The following FBXO11 variants were observed in gnomAD, a reference collection of about 807,000 sequenced individuals.
FBXO11 encodes the protein F-box protein 11.
Under a neutral mutation model 117.0 loss-of-function variants are expected in FBXO11, and 13 were observed. That is an observed-to-expected ratio of 0.11 (90% CI 0.07 to 0.18). The LOEUF is 0.18. Ranked by LOEUF, FBXO11 falls within the 10% of genes least tolerant of loss-of-function variation. FBXO11 has a pLI of 1.00. For missense variants in FBXO11, 767 were observed against 1,164.4 expected (o/e 0.66, Z 4.97); for synonymous variants, 490 against 380.5 (o/e 1.29, Z -3.35).
At chr2:47,829,160 G>A (rs1016807754) in intron 11 of FBXO11, among the ~76,000 whole-genome samples, 1 of 151,992 alleles carries the variant, frequency 6.6e-6, no homozygotes, top group Non-Finnish European at 1.5e-5. Context: ...CTCCCAAAGT[G>A]TTAGGATTAC....
intron 1 of FBXO11, among the ~76,000 whole-genome samples, chr2:47,869,110 T>C (rs1411135452): frequency 2.6e-5 from 4 of 152,096 alleles, no homozygotes; most frequent in Non-Finnish European, 5.9e-5. Context: ...CTATATACAG[T>C]GTTATTTCTT....
intron 1 of FBXO11, among the ~76,000 whole-genome samples, chr2:47,848,011 C>T (rs541800957): frequency 6.6e-6 from 1 of 151,982 alleles, no homozygotes; most frequent in Admixed American, 6.6e-5. Context: ...GTAGTCCCAG[C>T]TACTCGGGAG....
At chr2:47,856,927 T>C (rs1386740133) in intron 1 of FBXO11, among the ~76,000 whole-genome samples, 1 of 152,214 alleles carries the variant, frequency 6.6e-6, no homozygotes, top group Non-Finnish European at 1.5e-5. Context: ...AAGTATATGA[T>C]TTAAAGCTAT....
chr2:47,847,676 C>A (rs755812458), intron 1 of FBXO11, among the ~76,000 whole-genome samples: 1 of 152,106 alleles, frequency 6.6e-6, no homozygotes, highest in Admixed American at 6.5e-5. Context: ...TGCACTCCAG[C>A]CTGGGTGACA....
chr2:47,826,258 C>G (rs1671749205), intron 11 of FBXO11, among the ~76,000 whole-genome samples: 1 of 151,718 alleles, frequency 6.6e-6, no homozygotes, highest in South Asian at 2.1e-4. Context: ...AGGGTTTCAC[C>G]ATGTCAGCCA....
At position 47,806,987 on chromosome 2, in the gene FBXO11, C is replaced by G. The variant is rs1244727824; in HGVS notation, c.*1131G>C. On this transcript the variant is annotated 3_prime_UTR_variant, in exon 23 of 23. Transcript: ENST00000403359. Reference sequence around the variant, plus strand: ...CCATTTTCTTTCTAGGAAATTAAACCCTTTTAATTCTTATCTACCTTCTAC... The same window carrying G: ...CCATTTTCTTTCTAGGAAATTAAACGCTTTTAATTCTTATCTACCTTCTAC... 4 of 747,196 alleles carry G rather than the reference C, an allele frequency of 5.4e-6. No homozygotes were observed. The highest frequency in any genetic ancestry group is 3.5e-5 in the African/African-American group (2 of 56,826). The allele number at this position is 747,196 out of a possible 1,614,324, so 46.3% of individuals were successfully genotyped here.
chr2:47,854,023 G>C (rs961264173), intron 1 of FBXO11, among the ~76,000 whole-genome samples: 1 of 152,148 alleles, frequency 6.6e-6, no homozygotes, highest in Non-Finnish European at 1.5e-5. Flanking sequence ...TCCCTTTAAA[G>C]TATCAGTAGT....
Position 47,813,331 on chromosome 2 carries a change from A to G in FBXO11, c.2130T>C (p.Ala710=). The G allele has an allele frequency of 6.2e-7, 1 of 1,612,706 alleles. No individual in the cohort carries two copies. Among genetic ancestry groups the G allele is most frequent in the Non-Finnish European group, 8.5e-7 (1 of 1,179,008 alleles). Residue 710 remains alanine (A), a synonymous_variant, in exon 18 of 23, where the codon GCT becomes GCC. Transcript: ENST00000403359. ...EDNEIFDNAM[A]GVWIKTDSNP... Reference sequence around the variant, plus strand: ...TACTATCTGTCTTAATCCAGACTCCAGCCATTGCATTGTCAAATATTTCAT... The same window carrying G: ...TACTATCTGTCTTAATCCAGACTCCGGCCATTGCATTGTCAAATATTTCAT...
At chr2:47,827,457 C>T (rs573252312) in intron 11 of FBXO11, among the ~76,000 whole-genome samples, 2 of 152,126 alleles carry the variant, frequency 1.3e-5, no homozygotes, top group South Asian at 2.1e-4. Context: ...TTGGTGTGAG[C>T]CACCACGCCC....
At chr2:47,872,890 C>A (rs1395144292) in intron 1 of FBXO11, among the ~76,000 whole-genome samples, 1 of 151,960 alleles carries the variant, frequency 6.6e-6, no homozygotes, top group African/African-American at 2.4e-5. Flanking sequence ...TAATAGATTA[C>A]TGTTGCTTTT....
At chr2:47,826,204 G>GC in intron 11 of FBXO11, among the ~76,000 whole-genome samples, 1 of 151,792 alleles carries the variant, frequency 6.6e-6, no homozygotes, top group East Asian at 1.9e-4. Context: ...GACTACAGGT[G>GC]CCGCCACCAT....
Position 47,835,930 on chromosome 2 carries a change from T to C in FBXO11, c.659A>G (p.Gln220Arg), listed in dbSNP as rs367772526. ...MMHPEPGKFY[Q>R]INPEEYEHPN... ...ATGTTCATACTCTTCTGGATTAATC[T>C]GGTAGAATTTTCCAGGTTCAGGATG... The change falls in exon 5 of 23, where the codon CAG (glutamine) becomes CGG (arginine). Residue 220 changes from glutamine (Q) to arginine (R), a missense_variant. By Grantham distance (43) the Gln-to-Arg change is conservative (BLOSUM62 1). Around this residue, in one of 10 missense-constraint regions of FBXO11, gnomAD observed 355 missense variants for 299.8 expected, o/e 1.18. Transcript: ENST00000403359. 19 of 1,611,302 alleles carry C rather than the reference T, an allele frequency of 1.2e-5. No individual in the cohort carries two copies. Among genetic ancestry groups the C allele is most frequent in the Non-Finnish European group, 1.6e-5 (19 of 1,177,726 alleles).
intron 11 of FBXO11, among the ~76,000 whole-genome samples, chr2:47,830,626 T>C (rs1234150290): frequency 1.3e-5 from 2 of 152,238 alleles, no homozygotes; most frequent in South Asian, 2.1e-4. Context: ...TCATTAATCC[T>C]TAATGGAAAT....
chr2:47,879,676 T>C (rs185969542), intron 1 of FBXO11, among the ~76,000 whole-genome samples: 15 of 152,332 alleles, frequency 9.8e-5, no homozygotes, highest in Admixed American at 5.2e-4. Context: ...AAATTACCAA[T>C]AAGTTTTGCT....
intron 11 of FBXO11, among the ~76,000 whole-genome samples, chr2:47,828,937 A>T (rs1211932045): frequency 2.6e-5 from 4 of 152,146 alleles, no homozygotes; most frequent in Non-Finnish European, 4.4e-5. Flanking sequence ...TTTTTGACAG[A>T]GTCTCACTCC....
intron 1 of FBXO11, among the ~76,000 whole-genome samples, chr2:47,849,441 T>C (rs765816279): frequency 3.3e-5 from 5 of 152,220 alleles, no homozygotes; most frequent in Non-Finnish European, 7.4e-5. Flanking sequence ...ATCATTATAC[T>C]TAAAATGACT....
chr2:47,823,737 G>A (rs763878466), intron 11 of FBXO11, among the ~76,000 whole-genome samples: 1 of 151,436 alleles, frequency 6.6e-6, no homozygotes, highest in South Asian at 2.1e-4. Context: ...TGGGTGACAA[G>A]AGCAAAACTC....
chr2:47,887,393 G>A (rs1000283553), intron 1 of FBXO11, among the ~76,000 whole-genome samples: 2 of 151,830 alleles, frequency 1.3e-5, no homozygotes, highest in East Asian at 3.9e-4. Context: ...GCTACCTCTG[G>A]GAATGAAAGA....
intron 11 of FBXO11, among the ~76,000 whole-genome samples, chr2:47,831,446 A>T (rs1057222643): frequency 2.0e-5 from 3 of 151,242 alleles, no homozygotes; most frequent in Non-Finnish European, 4.4e-5. Flanking sequence ...AAAAAAAAAA[A>T]AAGAAAAATG....
Sources: allele counts gnomAD v4.1 joint callset (sites outside exome capture counted in the v4.1 genomes callset), GRCh38; gene constraint gnomAD v4.1.1; regional missense constraint gnomAD v4.1.1; transcripts MANE v1.5; gene names NCBI Gene and HGNC (gene_info 2026-07-23, HGNC 2026-07-21).